The following RNF24 variants were observed in gnomAD, a reference collection of about 807,000 sequenced individuals.
RNF24 encodes the protein ring finger protein 24.
In RNF24, 14 loss-of-function variants were observed where a neutral mutation model predicts 20.0. That is an observed-to-expected ratio of 0.70 (90% confidence interval 0.46 to 1.10). The LOEUF is 1.10. RNF24 is among the 50% of genes least tolerant of loss of function. The pLI is 0.00. For missense variants in RNF24, 124 were observed against 177.6 expected (o/e 0.70, Z 1.71); for synonymous variants, 45 against 61.1 (o/e 0.74, Z 1.23).
At position 3,974,266 on chromosome 20, in the gene RNF24, C is replaced by T. The variant is rs1600677424; in HGVS notation, c.-7-10242G>A. The T allele has an allele frequency of 4.0e-6, 6 of 1,506,426 alleles. No individual in the cohort carries two copies. In the East Asian group the frequency reaches 1.5e-4, roughly 38 times the overall value. The allele number at this position is 1,506,426 out of a possible 1,614,324, so 93.3% of individuals were successfully genotyped here. On this transcript the variant is annotated intron_variant, in intron 1 of 5. Transcript: ENST00000358395. ...CAAAAAACAAACCGGCAAAAACCAA[C>T]CAAACAATAACAACAAAAACTGTAC...
At chr20:4,006,734 G>A (rs1288263509) in intron 1 of RNF24, among the ~76,000 whole-genome samples, 1 of 152,136 alleles carries the variant, frequency 6.6e-6, no homozygotes, top group Non-Finnish European at 1.5e-5. Context: ...AACTCCCTGG[G>A]GTACTATGGA....
chr20:3,971,362 G>A (rs889104403), intron 1 of RNF24, among the ~76,000 whole-genome samples: 1 of 152,218 alleles, frequency 6.6e-6, no homozygotes, highest in Non-Finnish European at 1.5e-5. Flanking sequence ...TACTCTTGAA[G>A]AGTGACTAAA....
chr20:3,969,506 C>CAAAAAAAAAAAA (rs113442389), intron 1 of RNF24, among the ~76,000 whole-genome samples: 1 of 89,148 alleles, frequency 1.1e-5, no homozygotes, highest in Non-Finnish European at 2.2e-5. Context: ...CAGGTGAAGA[C>CAAAAAAAAAAAA]AAAAAAAAAA....
At chr20:3,968,997 C>G (rs1413008571) in intron 1 of RNF24, among the ~76,000 whole-genome samples, 2 of 151,942 alleles carry the variant, frequency 1.3e-5, no homozygotes, top group Non-Finnish European at 2.9e-5. Context: ...GTCAGAGAGC[C>G]AGGGGTTTAA....
rs1218353047 is a variant in RNF24 at position 3,931,178 on chromosome 20, T to C, written c.*2885A>G. The C allele has an allele frequency of 6.6e-6, 1 of 152,226 alleles. No individual in the cohort carries two copies. The highest frequency in any genetic ancestry group is 1.5e-5 in the Non-Finnish European group (1 of 68,054). The allele number at this position is 152,226 out of a possible 1,614,324, so 9.4% of individuals were successfully genotyped here. A position where few individuals can be genotyped will look rare whatever the true frequency, so the allele number is the denominator to read the frequency against. ...CAGTTGGGGCTGAGTTATGCTCCACTAACCCATAGCAGACCAGCAACATTC... is the reference window on the plus strand; with the variant it reads ...CAGTTGGGGCTGAGTTATGCTCCACCAACCCATAGCAGACCAGCAACATTC... On this transcript the variant is annotated 3_prime_UTR_variant, in exon 6 of 6. Transcript: ENST00000358395.
At chr20:3,970,428 T>C (rs2091303271) in intron 1 of RNF24, among the ~76,000 whole-genome samples, 1 of 152,088 alleles carries the variant, frequency 6.6e-6, no homozygotes, top group Admixed American at 6.5e-5. Context: ...ATGTCCAGGT[T>C]TCAACTAAAA....
At chr20:3,967,400 C>T (rs1459141616) in intron 1 of RNF24, among the ~76,000 whole-genome samples, 3 of 151,796 alleles carry the variant, frequency 2.0e-5, no homozygotes, top group Non-Finnish European at 4.4e-5. Context: ...TCTCTAGCCT[C>T]AGCCTAAATT....
chr20:4,009,830 G>A (rs1300022448), intron 1 of RNF24, among the ~76,000 whole-genome samples: 3 of 151,068 alleles, frequency 2.0e-5, no homozygotes, highest in Non-Finnish European at 4.4e-5. Flanking sequence ...GCTATAAATA[G>A]AAAAAAAAGG....
chr20:3,973,500 C>CAAAAAAAAAAAAAAAAAA (rs56824542), intron 1 of RNF24, among the ~76,000 whole-genome samples: 4 of 101,118 alleles, frequency 4.0e-5, no homozygotes, highest in Admixed American at 1.2e-4. Context: ...GGAAGAATGA[C>CAAAAAAAAAAAAAAAAAA]AAAAAAAAAA....
chr20:3,973,500 CAAAAAAAAAA>C (rs56824542), intron 1 of RNF24, among the ~76,000 whole-genome samples: 3 of 101,118 alleles, frequency 3.0e-5, no homozygotes, highest in Non-Finnish European at 3.8e-5. Flanking sequence ...GGAAGAATGA[CAAAAAAAAAA>C]AAAAAAAAAA....
chr20:3,945,653 T>C lies in RNF24; in HGVS notation c.187-435A>G, dbSNP rs1179190633. Among the ~76,000 whole-genome samples the C allele has an allele frequency of 2.0e-5, 3 of 149,718 alleles. No homozygotes were observed. In the Admixed American group the frequency reaches 2.0e-4, roughly 10 times the overall value. On this transcript the variant is annotated intron_variant, in intron 3 of 5. Transcript: ENST00000358395. ...TCACTTGAACCCAGGAGGCGGAAGT[T>C]GCAGTGAGCCGAGATCGTGCCATTG...
intron 1 of RNF24, among the ~76,000 whole-genome samples, chr20:3,993,324 A>G (rs1980605335): frequency 6.6e-6 from 1 of 151,996 alleles, no homozygotes; most frequent in East Asian, 1.9e-4. Context: ...GTCTCACTCT[A>G]CTACCCAGGC....
chr20:3,941,919 C>T (rs1303212389), intron 4 of RNF24, among the ~76,000 whole-genome samples: 1 of 151,694 alleles, frequency 6.6e-6, no homozygotes, highest in African/African-American at 2.4e-5. Context: ...ACTAAAAATA[C>T]AAAAATTAGC....
intron 1 of RNF24, among the ~76,000 whole-genome samples, chr20:3,995,536 A>T (rs1980791177): frequency 6.6e-6 from 1 of 152,238 alleles, no homozygotes; most frequent in South Asian, 2.1e-4. Context: ...ACAAAACAGC[A>T]TCTAAGATGT....
intron 4 of RNF24, among the ~76,000 whole-genome samples, chr20:3,942,949 G>A (rs1241870704): frequency 6.6e-6 from 1 of 152,020 alleles, no homozygotes; most frequent in South Asian, 2.1e-4. Context: ...CCGAGTAGCT[G>A]GGATTACAGG....
intron 2 of RNF24, among the ~76,000 whole-genome samples, chr20:3,956,294 G>A (rs763269232): frequency 1.3e-5 from 2 of 149,458 alleles, no homozygotes; most frequent in Non-Finnish European, 3.0e-5. Context: ...GCCCTTTCTT[G>A]TGTCAGTTTT....
chr20:3,964,695 A>T (rs752313247), intron 1 of RNF24, among the ~76,000 whole-genome samples: 23 of 152,124 alleles, frequency 1.5e-4, no homozygotes, highest in Admixed American at 8.5e-4. Context: ...GCTAATTTTT[A>T]AAAATTTTTT....
intron 1 of RNF24, 31 bp from the exon 2 acceptor site, chr20:3,964,055 T>C: frequency 6.2e-7 from 1 of 1,603,858 alleles, no homozygotes; most frequent in Non-Finnish European, 8.5e-7. Flanking sequence ...GGAAAAAAAA[T>C]AGGTAAAGAC....
intron 1 of RNF24, among the ~76,000 whole-genome samples, chr20:3,990,422 C>T (rs1980333616): frequency 6.6e-6 from 1 of 152,206 alleles, no homozygotes; most frequent in Non-Finnish European, 1.5e-5. Flanking sequence ...TTCAGATGTA[C>T]TTGCATGCAT....
Sources: gnomAD v4.1 joint callset for allele counts (sites outside exome capture counted in the v4.1 genomes callset) on GRCh38, gnomAD v4.1.1 for gene constraint, MANE v1.5 for transcripts, NCBI Gene and HGNC (gene_info 2026-07-23, HGNC 2026-07-21) for gene names.